Variants in L3MBTL1 observed in about 807,000 individuals in gnomAD.
L3MBTL1 encodes lethal(3)malignant brain tumor-like protein 1.
In L3MBTL1, 75 loss-of-function variants were observed where a neutral mutation model predicts 105.3. That is an observed-to-expected ratio of 0.71 (90% CI 0.59 to 0.86). The LOEUF (loss-of-function observed/expected upper bound fraction) is 0.86, where lower values mean the gene tolerates loss of function less well. Ranked by LOEUF, L3MBTL1 falls within the 40% of genes least tolerant of loss-of-function variation. The pLI is 0.00. For synonymous variants in L3MBTL1, 452 were observed against 436.2 expected (o/e 1.04, Z -0.45); for missense variants, 1,069 against 1,126.4 (o/e 0.95, Z 0.73).
intron 11 of L3MBTL1, 128 bp downstream of exon 11, chr20:43,531,017 A>C: frequency 1.3e-6 from 1 of 754,008 alleles, no homozygotes; most frequent in East Asian, 2.7e-5. Context: ...CTGATCTCTC[A>C]TATCAGATGG....
chr20:43,514,291 T>C, intron 3 of L3MBTL1: 2 of 814,822 alleles, frequency 2.5e-6, no homozygotes, highest in Non-Finnish European at 3.7e-6. Flanking sequence ...GGACTGGGCC[T>C]GTGGGTGTCT....
intron 7 of L3MBTL1, among the ~76,000 whole-genome samples, chr20:43,521,837 G>A (rs4494826): frequency 0.39 from 58,718 of 152,036 alleles, 11,871 homozygotes; most frequent in African/African-American, 0.51. Context: ...GCAGGCATAC[G>A]CCACTGCACC....
At chr20:43,513,239 CCCATCCTTA>C (rs1193977323) in intron 1 of L3MBTL1, among the ~76,000 whole-genome samples, 2 of 152,190 alleles carry the variant, frequency 1.3e-5, no homozygotes, top group African/African-American at 4.8e-5. Context: ...TGCCACCCTA[CCCATCCTTA>C]CCATCCTTAC....
chr20:43,510,146 C>T (rs988859083), intron 1 of L3MBTL1, among the ~76,000 whole-genome samples: 13 of 152,154 alleles, frequency 8.5e-5, no homozygotes, highest in Non-Finnish European at 1.8e-4. Flanking sequence ...TGAGCCACCA[C>T]GCATGGCCTG....
At chr20:43,534,534 C>A in intron 15 of L3MBTL1, 140 bp downstream of exon 15, 1 of 708,558 alleles carries the variant, frequency 1.4e-6, no homozygotes, top group Non-Finnish European at 2.4e-6. Flanking sequence ...TCATCTGTGA[C>A]TTATTTTTGT....
intron 4 of L3MBTL1, 96 bp from the exon 5 acceptor site, chr20:43,514,913 T>C (rs2018293675): frequency 1.3e-6 from 2 of 1,500,238 alleles, no homozygotes; most frequent in South Asian, 2.6e-5. Context: ...GATGCGGAGA[T>C]GGACCGAGGC....
At position 43,512,325 on chromosome 20, in the gene L3MBTL1, C is replaced by T. The variant is rs576614780; in HGVS notation, c.-28-1151C>T. On this transcript the variant is annotated intron_variant, in intron 1 of 21. Coordinates refer to ENST00000418998, the MANE Select transcript of L3MBTL1 (RefSeq NM_001377303.1). ...TAGCACTGACAGGCCAATTTTAATA[C>T]GTCTAAAGCTGTGCTGTCCAATACA... 1.1e-3 allele frequency among the ~76,000 whole-genome samples: 174 copies of T among 152,250 alleles called. 3 individuals are homozygous for T. Among genetic ancestry groups the T allele is most frequent in the African/African-American group, 2.9e-3 (119 of 41,528 alleles).
intron 10 of L3MBTL1, 102 bp downstream of exon 10, chr20:43,530,521 T>C (rs950452945): frequency 4.3e-5 from 57 of 1,337,150 alleles, no homozygotes; most frequent in South Asian, 8.4e-5. Context: ...TTTCTGACCC[T>C]GTACCCTGTT....
downstream of L3MBTL1, among the ~76,000 whole-genome samples, chr20:43,542,255 G>C (rs967640215): frequency 1.8e-4 from 28 of 152,192 alleles, no homozygotes; most frequent in African/African-American, 6.5e-4. Flanking sequence ...CCCTGGAAGA[G>C]TGTCTGTATC....
intron 7 of L3MBTL1, among the ~76,000 whole-genome samples, chr20:43,522,328 C>T (rs528844252): frequency 1.3e-5 from 2 of 152,096 alleles, no homozygotes; most frequent in East Asian, 1.9e-4. Flanking sequence ...GCACTCCAGT[C>T]TGGGCGACAG....
At chr20:43,514,340 GTGTT>G in intron 3 of L3MBTL1, 2 of 1,150,070 alleles carry the variant, frequency 1.7e-6, no homozygotes, top group Non-Finnish European at 2.4e-6. Flanking sequence ...GAGTGGGCCT[GTGTT>G]AGTTTGGGGG....
chr20:43,541,097 A>G lies in L3MBTL1; in HGVS notation c.2558A>G (p.Lys853Arg). Residue 853 changes from lysine (K) to arginine (R), a missense_variant, in exon 22 of 22, where the codon AAA becomes AGA. Coordinates refer to ENST00000418998, the MANE Select transcript of L3MBTL1 (RefSeq NM_001377303.1). Reference protein sequence around the residue: ...LCSLPTHLLAKLSFASDSQY With the variant: ...LCSLPTHLLARLSFASDSQY ...TCTCTACCCACTCATTTGCTTGCCA[A>G]ACTTAGCTTTGCCAGTGATAGTCAA... is the stretch of plus-strand genomic sequence containing the variant. 6.2e-7 allele frequency: 1 copy of G among 1,614,070 alleles called. No homozygotes were observed. Among genetic ancestry groups the G allele is most frequent in the Non-Finnish European group, 8.5e-7 (1 of 1,179,950 alleles).
At chr20:43,547,611 C>G (rs552759877) in intron 18 of L3MBTL1, among the ~76,000 whole-genome samples, 2 of 152,230 alleles carry the variant, frequency 1.3e-5, no homozygotes, top group South Asian at 4.2e-4. Flanking sequence ...CCCTGCCCCC[C>G]TCTGCTTTTG....
Position 43,530,409 on chromosome 20 carries a change from GCCTC to G in L3MBTL1, c.1185_1188del (p.Pro396LysfsTer28). 2 of 1,614,114 alleles carry G rather than the reference GCCTC, an allele frequency of 1.2e-6. No homozygotes were observed. The highest frequency in any genetic ancestry group is 2.2e-5 in the South Asian group (2 of 91,078). On this transcript the variant is annotated frameshift_variant, in exon 10 of 22. Coordinates refer to ENST00000418998, the MANE Select transcript of L3MBTL1 (RefSeq NM_001377303.1). LOFTEE classifies it high-confidence loss of function. ...TCGAGAAGACGGGCCACAAGCTGCA[GCCTC>G]CCAAAGGTAAGGCCTAGCTGGGTTG... is the stretch of plus-strand genomic sequence containing the variant.
downstream of L3MBTL1, among the ~76,000 whole-genome samples, chr20:43,543,344 G>A (rs533794234): frequency 2.6e-4 from 39 of 152,244 alleles, no homozygotes; most frequent in Admixed American, 2.4e-3. Context: ...CCTTTCTGTC[G>A]GTTGACCACA....
intron 4 of L3MBTL1, 70 bp from the exon 5 acceptor site, chr20:43,514,938 AG>A: frequency 6.4e-7 from 1 of 1,556,776 alleles, no homozygotes; most frequent in Admixed American, 1.8e-5. Flanking sequence ...GCAGGGCCTG[AG>A]GGGGCGTGGG....
chr20:43,525,212 C>T (rs1013855260), intron 7 of L3MBTL1, among the ~76,000 whole-genome samples: 3 of 151,834 alleles, frequency 2.0e-5, no homozygotes, highest in East Asian at 1.9e-4. Context: ...TAACGAATAC[C>T]GAAAGGGCCA....
chr20:43,540,983 C>T lies in L3MBTL1; in HGVS notation c.2444C>T (p.Thr815Ile), dbSNP rs770260156. ...GTATCTGGGAAGACTCTAGTCTGGACTGTGGCCCAGCTTGGGGACCTTGTG... is the reference window on the plus strand; with the variant it reads ...GTATCTGGGAAGACTCTAGTCTGGATTGTGGCCCAGCTTGGGGACCTTGTG... Reference protein sequence around the residue: ...THVSGKTLVWTVAQLGDLVCS... With the variant: ...THVSGKTLVWIVAQLGDLVCS... The change falls in exon 22 of 22, where the codon ACT becomes ATT. Residue 815 changes from threonine to isoleucine, a missense_variant. Thr to Ile is a moderately conservative substitution (Grantham distance 89, BLOSUM62 -1). Coordinates refer to ENST00000418998, the MANE Select transcript of L3MBTL1 (RefSeq NM_001377303.1). 3.7e-6 allele frequency: 6 copies of T among 1,614,068 alleles called. No homozygotes were observed. The highest frequency in any genetic ancestry group is 4.2e-6 in the Non-Finnish European group (5 of 1,180,046).
chr20:43,511,790 A>AAG (rs1451584094), intron 1 of L3MBTL1, among the ~76,000 whole-genome samples: 1 of 151,922 alleles, frequency 6.6e-6, no homozygotes, highest in East Asian at 1.9e-4. Context: ...CAAAAAAAAA[A>AAG]AAAAAAAAAA....
Sources: allele counts gnomAD v4.1 joint callset (sites outside exome capture counted in the v4.1 genomes callset), GRCh38; gene constraint gnomAD v4.1.1; transcripts MANE v1.5; gene names NCBI Gene and HGNC (gene_info 2026-07-23, HGNC 2026-07-21).